NLGN3: variants seen among roughly 807,000 people sequenced by gnomAD.
NLGN3 encodes the protein neuroligin 3, also known as neuroligin-3.
NLGN3 carries 11 observed loss-of-function variants against 42.9 expected under a neutral mutation model. The observed-to-expected ratio is 0.26, with a 90% CI of 0.16 to 0.42. The LOEUF (loss-of-function observed/expected upper bound fraction) is 0.42. NLGN3 is among the 10% of genes least tolerant of loss of function. The probability of loss-of-function intolerance (pLI) is 1.00; values close to 1 mark genes in which losing one functional copy is unlikely to be tolerated. For missense variants in NLGN3, 374 were observed against 733.8 expected (o/e 0.51, Z 5.67); for synonymous variants, 279 against 312.7 (o/e 0.89, Z 1.14).
At chrX:71,152,107 G>A (rs1344865989) in intron 3 of NLGN3, among the ~76,000 whole-genome samples, 2 of 111,155 alleles carry the variant, frequency 1.8e-5, no homozygotes, top group African/African-American at 6.6e-5. Context: ...CTGGGAAAGA[G>A]GGCTCTTTAC....
chrX:71,168,886 G>GA (rs2092460680), intron 7 of NLGN3, among the ~76,000 whole-genome samples: 1 of 93,535 alleles, frequency 1.1e-5, no homozygotes, highest in African/African-American at 5.0e-5. Context: ...AAAAGAAAGA[G>GA]AAAGAAAGAA....
downstream of NLGN3, among the ~76,000 whole-genome samples, chrX:71,172,753 C>T (rs1047353534): frequency 9.1e-6 from 1 of 110,351 alleles, no homozygotes; most frequent in African/African-American, 3.3e-5. Context: ...AAATTTAACT[C>T]CTAAATAAGG....
chrX:71,171,743 G>A (rs1225148085), downstream of NLGN3: 1 of 642,776 alleles, frequency 1.6e-6, no homozygotes, highest in East Asian at 1.6e-4. Context: ...GCTGCTCTGT[G>A]AATTAGAACT....
At chrX:71,153,885 C>T (rs144929486) in intron 4 of NLGN3, among the ~76,000 whole-genome samples, 264 of 111,849 alleles carry the variant, frequency 2.4e-3, no homozygotes, top group African/African-American at 7.8e-3. Context: ...GGGGAGAGGA[C>T]AAAGACAACG....
chrX:71,145,076 C>G (rs2092360927), intron 1 of NLGN3, 112 bp downstream of exon 1: 1 of 105,720 alleles, frequency 9.5e-6, no homozygotes, highest in African/African-American at 3.5e-5. Context: ...CCCCATCCCT[C>G]TCAACCCCAT....
intron 1 of NLGN3, among the ~76,000 whole-genome samples, chrX:71,146,989 G>A (rs1279498012): frequency 1.8e-5 from 2 of 111,339 alleles, no homozygotes; most frequent in Non-Finnish European, 3.8e-5. Flanking sequence ...GGTCCGAGGA[G>A]GACTCCCGTG....
rs2092469218 is a variant in NLGN3, at chrX:71,170,812, T to A, written c.*715T>A. 1 of 755,729 alleles carries A rather than the reference T, an allele frequency of 1.3e-6. No homozygotes were observed. Among genetic ancestry groups the A allele is most frequent in the Non-Finnish European group, 1.6e-6 (1 of 640,251 alleles). The allele number at this position is 755,729 out of a possible 1,213,427, so 62.3% of individuals were successfully genotyped here. ...GTCGTAGGGGAGAGATCTCCAACTC[T>A]CTCTGTGTCCGTGTGGAGGGCTGCA... On this transcript the variant is annotated 3_prime_UTR_variant, in exon 8 of 8. Transcript: ENST00000358741.
chrX:71,161,405 C>T (rs2092429665), intron 5 of NLGN3, among the ~76,000 whole-genome samples: 2 of 109,598 alleles, frequency 1.8e-5, no homozygotes, highest in African/African-American at 3.3e-5. Flanking sequence ...TGAGCCACCA[C>T]GCCTGGCCTG....
chrX:71,165,934 T>C (rs1037066473), intron 6 of NLGN3, among the ~76,000 whole-genome samples: 1 of 111,930 alleles, frequency 8.9e-6, no homozygotes, highest in African/African-American at 3.2e-5. Flanking sequence ...AGTAGTAATC[T>C]ATCATTTCTT....
intron 5 of NLGN3, among the ~76,000 whole-genome samples, chrX:71,155,781 G>A (rs1461878713): frequency 9.1e-6 from 1 of 110,413 alleles, no homozygotes; most frequent in African/African-American, 3.3e-5. Context: ...TTACCTTCAT[G>A]TGTTTACACA....
chrX:71,160,083 C>T, intron 5 of NLGN3, among the ~76,000 whole-genome samples: 1 of 107,101 alleles, frequency 9.3e-6, no homozygotes, highest in Non-Finnish European at 1.9e-5. Flanking sequence ...TTGCCCAAAG[C>T]ATCCCAGAAC....
Position 71,168,855 on chromosome X carries a change from AAG to A in NLGN3, c.1704-397_1704-396del, listed in dbSNP as rs199557880. ...AAAGAAAGAAAGAAAGAAAGAAAGA[AAG>A]AAAGAAAGAAAGAGAAAGAAAAGAA... On this transcript the variant is annotated intron_variant, in intron 7 of 7. Transcript: ENST00000358741. Among the ~76,000 whole-genome samples the A allele has an allele frequency of 3.3e-4, 30 of 90,713 alleles. No individual in the cohort carries two copies. In the East Asian group the frequency reaches 7.5e-3, roughly 23 times the overall value. The allele number at this position is 90,713 out of a possible 115,157, so 78.8% of individuals were successfully genotyped here. A position where few individuals can be genotyped will look rare whatever the true frequency, so the allele number is the denominator to read the frequency against.
Position 71,170,553 on chromosome X carries a change from C to G in NLGN3, c.*456C>G. On this transcript the variant is annotated 3_prime_UTR_variant, in exon 8 of 8. Coordinates refer to ENST00000358741, the MANE Select transcript of NLGN3 (RefSeq NM_181303.2). Reference sequence around the variant, plus strand: ...TCCTCCCCAGGACTTGGTCTTTTTTCTGGGTCTTGTTTTGTTGATTTTTCT... The same window carrying G: ...TCCTCCCCAGGACTTGGTCTTTTTTGTGGGTCTTGTTTTGTTGATTTTTCT... 1 of 798,988 alleles carries G rather than the reference C, an allele frequency of 1.3e-6. No homozygotes were observed. Among genetic ancestry groups the G allele is most frequent in the South Asian group, 5.2e-5 (1 of 19,222 alleles). 65.8% of individuals were successfully genotyped at this position (798,988 alleles called of 1,213,427 possible).
At position 71,170,156 on chromosome X, in the gene NLGN3, T is replaced by TGC. The variant is rs201688046; in HGVS notation, c.*60_*61dup. The TGC allele has an allele frequency of 5.3e-4, 613 of 1,165,042 alleles. 2 individuals are homozygous for TGC. The African/African-American group carries it at 0.013, about 24-fold the overall frequency. On this transcript the variant is annotated 3_prime_UTR_variant, in exon 8 of 8. Transcript: ENST00000358741. ...CCTCCCTCCCAGATCCAGGAACACA[T>TGC]GCACACACACACACACACACACGCA...
chrX:71,159,583 A>G (rs1208536175), intron 5 of NLGN3, among the ~76,000 whole-genome samples: 1 of 111,632 alleles, frequency 9.0e-6, no homozygotes, highest in African/African-American at 3.3e-5. Context: ...CACTTCCTGC[A>G]CACCCTTCAG....
chrX:71,162,794 G>A (rs747288806), intron 5 of NLGN3, among the ~76,000 whole-genome samples: 1 of 112,008 alleles, frequency 8.9e-6, no homozygotes, highest in East Asian at 2.8e-4. Flanking sequence ...CTGCAAGGAC[G>A]CCAGAGAACT....
Position 71,167,063 on chromosome X carries a change from T to C in NLGN3, c.966T>C (p.Ala322=). 8.3e-7 allele frequency: 1 copy of C among 1,210,507 alleles called. No homozygotes were observed. Among genetic ancestry groups the C allele is most frequent in the East Asian group, 3.0e-5 (1 of 33,850 alleles). Reference sequence around the variant, plus strand: ...GTGGCTCTGCTCTGTCCAGCTGGGCTGTGAACTACCAACCAGTGAAGTACA... The same window carrying C: ...GTGGCTCTGCTCTGTCCAGCTGGGCCGTGAACTACCAACCAGTGAAGTACA... ...IQSGSALSSW[A]VNYQPVKYTS... Residue 322 remains alanine, a synonymous_variant, in exon 7 of 8, where the codon GCT becomes GCC. Transcript: ENST00000358741.
rs2092466854 is a variant in NLGN3 at position 71,170,198 on chromosome X, CACAT to C, written c.*103_*106del. 2 of 1,179,044 alleles carry C rather than the reference CACAT, an allele frequency of 1.7e-6. No individual in the cohort carries two copies. Among genetic ancestry groups the C allele is most frequent in the Admixed American group, 4.7e-5 (2 of 42,523 alleles). ...ACACACGCAGACACACACACACACA[CACAT>C]ATATGTATACGCACGCACCCACACC... On this transcript the variant is annotated 3_prime_UTR_variant, in exon 8 of 8. Transcript: ENST00000358741.
chrX:71,152,005 TG>T (rs1000238989), intron 3 of NLGN3, among the ~76,000 whole-genome samples: 2 of 112,023 alleles, frequency 1.8e-5, no homozygotes, highest in Admixed American at 9.4e-5. Context: ...GCTGTGCTCT[TG>T]TCCTGGTTGA....
Sources: gnomAD v4.1 joint callset for allele counts (sites outside exome capture counted in the v4.1 genomes callset) on GRCh38, gnomAD v4.1.1 for gene constraint, MANE v1.5 for transcripts, NCBI Gene and HGNC (gene_info 2026-07-23, HGNC 2026-07-21) for gene names.